Variants in ZBTB16 observed in about 807,000 individuals in gnomAD.
ZBTB16 encodes the protein zinc finger and BTB domain containing 16.
In ZBTB16, 8 loss-of-function variants were observed where a neutral mutation model predicts 56.8. The observed-to-expected ratio is 0.14, with a 90% CI of 0.08 to 0.25. The LOEUF (loss-of-function observed/expected upper bound fraction) is 0.25. ZBTB16 is among the 10% of genes least tolerant of loss of function. ZBTB16 has a pLI of 1.00. For synonymous variants in ZBTB16, 363 were observed against 368.5 expected, an observed-to-expected ratio of 0.98 and a Z score of 0.17; for missense variants, 625 against 903.0, an observed-to-expected ratio of 0.69 and a Z score of 3.95.
chr11:114,147,978 G>A (rs992607390), intron 2 of ZBTB16, among the ~76,000 whole-genome samples: 5 of 152,202 alleles, frequency 3.3e-5, no homozygotes, highest in African/African-American at 1.2e-4. Context: ...GGTGAAATTT[G>A]TTGATAGAGA....
At chr11:114,249,225 G>A (rs1037528523) in intron 6 of ZBTB16, among the ~76,000 whole-genome samples, 5 of 151,990 alleles carry the variant, frequency 3.3e-5, no homozygotes, top group South Asian at 2.1e-4. Context: ...TTGGGAGGCC[G>A]AGGCAGGCAG....
At chr11:114,219,660 TA>T (rs35501585) in intron 4 of ZBTB16, among the ~76,000 whole-genome samples, 60,150 of 149,056 alleles carry the variant, frequency 0.4, 12,497 homozygotes, top group Middle Eastern at 0.48. Flanking sequence ...AAAAAAAGCT[TA>T]AAAAAAAAAA....
chr11:114,242,140 A>G, intron 4 of ZBTB16, 27 bp from the exon 5 acceptor site: 1 of 1,613,126 alleles, frequency 6.2e-7, no homozygotes, highest in Non-Finnish European at 8.5e-7. Context: ...CACCTTTCTG[A>G]GGCACCCCCT....
intron 3 of ZBTB16, among the ~76,000 whole-genome samples, chr11:114,185,206 C>T (rs940310350): frequency 6.6e-6 from 1 of 152,044 alleles, no homozygotes; most frequent in East Asian, 1.9e-4. Context: ...GAGACCCTAT[C>T]TCAAAAACAA....
At position 114,143,363 on chromosome 11, in the gene ZBTB16, T is replaced by C. The variant is rs1357770383; in HGVS notation, c.1269-12974T>C. Among the ~76,000 whole-genome samples, 2 of 151,906 alleles carry C rather than the reference T, an allele frequency of 1.3e-5. No individual in the cohort carries two copies. Among genetic ancestry groups the C allele is most frequent in the Admixed American group, 6.6e-5 (1 of 15,248 alleles). On this transcript the variant is annotated intron_variant, in intron 2 of 6. Coordinates refer to ENST00000335953, the MANE Select transcript of ZBTB16 (RefSeq NM_006006.6). This position sits in a 1 kb window ranked among gnomAD's most constrained non-coding sequence, Gnocchi z 6.4. Reference sequence around the variant, plus strand: ...CTGGAGAGACAGAGAAACAAGCAGATGCACCCTAGTGAGTACATCTGCTCC... The same window carrying C: ...CTGGAGAGACAGAGAAACAAGCAGACGCACCCTAGTGAGTACATCTGCTCC...
intron 2 of ZBTB16, among the ~76,000 whole-genome samples, chr11:114,133,899 A>T (rs1242536918): frequency 6.6e-6 from 1 of 152,104 alleles, no homozygotes; most frequent in Non-Finnish European, 1.5e-5. Flanking sequence ...TCCCTCATGG[A>T]TCTCCTTAGA....
At chr11:114,186,640 A>G (rs530370624) in intron 3 of ZBTB16, among the ~76,000 whole-genome samples, 54 of 151,958 alleles carry the variant, frequency 3.6e-4, no homozygotes, top group African/African-American at 1.3e-3. Flanking sequence ...CCCCCCCATC[A>G]CCTGGAGCTA....
At chr11:114,164,213 C>G (rs1942679831) in intron 3 of ZBTB16, among the ~76,000 whole-genome samples, 1 of 152,226 alleles carries the variant, frequency 6.6e-6, no homozygotes, top group East Asian at 1.9e-4. Context: ...TCAGATAGAA[C>G]ATTACTTTGA....
At position 114,078,788 on chromosome 11, in the gene ZBTB16, G is replaced by A. The variant is rs551843194; in HGVS notation, c.1268+14220G>A. Among the ~76,000 whole-genome samples the A allele has an allele frequency of 1.2e-4, 18 of 152,280 alleles. No individual in the cohort carries two copies. The South Asian group carries it at 2.9e-3, about 25-fold the overall frequency. ...GGACAGTATGGAATGAAGGGAAGAA[G>A]GTTGGCTTTAGAAGGAGGCACCCTG... On this transcript the variant is annotated intron_variant, in intron 2 of 6. Transcript: ENST00000335953.
chr11:114,167,690 C>A (rs1031763489), intron 3 of ZBTB16, among the ~76,000 whole-genome samples: 1 of 152,090 alleles, frequency 6.6e-6, no homozygotes, highest in Non-Finnish European at 1.5e-5. Flanking sequence ...TTCCTCTGAG[C>A]CTGCACCTTC....
chr11:114,209,959 G>A, intron 4 of ZBTB16: 3 of 985,338 alleles, frequency 3.0e-6, no homozygotes, highest in Non-Finnish European at 3.6e-6. Context: ...TAGCCCTGGT[G>A]CTGCTACTTA....
intron 3 of ZBTB16, among the ~76,000 whole-genome samples, chr11:114,170,121 T>G (rs1240585292): frequency 6.6e-6 from 1 of 152,180 alleles, no homozygotes; most frequent in African/African-American, 2.4e-5. Context: ...AGTTGAGGCA[T>G]CCATAAAACA....
At chr11:114,170,027 G>T (rs570711028) in intron 3 of ZBTB16, among the ~76,000 whole-genome samples, 3 of 152,182 alleles carry the variant, frequency 2.0e-5, no homozygotes, top group African/African-American at 7.2e-5. Context: ...TCCAATCCCT[G>T]TGATGGCTGT....
Position 114,190,758 on chromosome 11 carries a change from C to CAT in ZBTB16, c.1453+3728_1453+3729dup, listed in dbSNP as rs879393184. ...ACACACACACACACACACACACACACATATATATACACACATGTGTATACA... is the reference window on the plus strand; with the variant it reads ...ACACACACACACACACACACACACACATATATATATACACACATGTGTATACA... On this transcript the variant is annotated intron_variant, in intron 4 of 6. Coordinates refer to ENST00000335953, the MANE Select transcript of ZBTB16 (RefSeq NM_006006.6). Among the ~76,000 whole-genome samples the CAT allele has an allele frequency of 5.4e-5, 6 of 111,714 alleles. No homozygotes were observed. The South Asian group carries it at 9.5e-4, about 18-fold the overall frequency. The allele number at this position is 111,714 out of a possible 152,430, so 73.3% of individuals were successfully genotyped here.
At chr11:114,093,027 A>T (rs1940247735) in intron 2 of ZBTB16, among the ~76,000 whole-genome samples, 1 of 152,218 alleles carries the variant, frequency 6.6e-6, no homozygotes, top group Non-Finnish European at 1.5e-5. Context: ...TCACCCTTTT[A>T]AAGAAGATTA....
chr11:114,216,855 C>G (rs424337), intron 4 of ZBTB16, among the ~76,000 whole-genome samples: 69,508 of 152,072 alleles, frequency 0.46, 16,494 homozygotes, highest in South Asian at 0.53. Flanking sequence ...GACCCAGTCT[C>G]TTGATTCAAG....
intron 4 of ZBTB16, among the ~76,000 whole-genome samples, chr11:114,215,757 CTTTT>C (rs1218578355): frequency 6.6e-6 from 1 of 152,094 alleles, no homozygotes; most frequent in Non-Finnish European, 1.5e-5. Flanking sequence ...TAGCTTTTGT[CTTTT>C]TTTATGTTTT....
chr11:114,110,910 C>T (rs1290326975), intron 2 of ZBTB16, among the ~76,000 whole-genome samples: 1 of 152,096 alleles, frequency 6.6e-6, no homozygotes, highest in African/African-American at 2.4e-5. Context: ...AATATTAACA[C>T]CAATTGAGCA....
At chr11:114,211,797 G>T (rs887082999) in intron 4 of ZBTB16, among the ~76,000 whole-genome samples, 1 of 152,164 alleles carries the variant, frequency 6.6e-6, no homozygotes, top group East Asian at 1.9e-4. Context: ...AGGGCAGAGC[G>T]CTTTATAAGC....
Sources: allele counts gnomAD v4.1 joint callset (sites outside exome capture counted in the v4.1 genomes callset), GRCh38; gene constraint gnomAD v4.1.1; non-coding constraint Gnocchi (gnomAD v3.1); transcripts MANE v1.5; gene names NCBI Gene and HGNC (gene_info 2026-07-23, HGNC 2026-07-21).